Variants in DLC1 observed in about 807,000 individuals in gnomAD.
DLC1 encodes DLC1 Rho GTPase activating protein.
Under a neutral mutation model 140.3 loss-of-function variants are expected in DLC1, and 54 were observed. That is an observed-to-expected ratio of 0.38 (90% CI 0.31 to 0.48). The LOEUF is 0.48. Ranked by LOEUF, DLC1 falls within the 20% of genes least tolerant of loss-of-function variation. The pLI is 0.96. For synonymous variants in DLC1, 986 were observed against 728.1 expected, an observed-to-expected ratio of 1.35 and a Z score of -5.70; for missense variants, 2,536 against 1,907.0, an observed-to-expected ratio of 1.33 and a Z score of -6.14.
In DLC1 at chr8:13,131,128, C is replaced by T. The variant is rs1179466038; in HGVS notation, c.1349-15471G>A. Among the ~76,000 whole-genome samples the T allele has an allele frequency of 5.9e-5, 9 of 152,306 alleles. No individual in the cohort carries two copies. In the South Asian group the frequency reaches 1.5e-3, roughly 25 times the overall value. Reference sequence around the variant, plus strand: ...AGAGGGGCTGCTGCCTTACAGGGCACCCCTCTGACCATCTGCTGCCGTCTG... The same window carrying T: ...AGAGGGGCTGCTGCCTTACAGGGCATCCCTCTGACCATCTGCTGCCGTCTG... On this transcript the variant is annotated intron_variant, in intron 5 of 17. Coordinates refer to ENST00000276297, the MANE Select transcript of DLC1 (RefSeq NM_182643.3).
At chr8:13,509,322 A>G (rs1009664771) in intron 1 of DLC1, among the ~76,000 whole-genome samples, 1 of 152,212 alleles carries the variant, frequency 6.6e-6, no homozygotes, top group Non-Finnish European at 1.5e-5. Context: ...TAGTCATTCC[A>G]TAAGCACAAT....
Position 13,478,382 on chromosome 8 carries a change from A to G in DLC1, c.1023+20667T>C, listed in dbSNP as rs577600964. Among the ~76,000 whole-genome samples, 4 of 152,314 alleles carry G rather than the reference A, an allele frequency of 2.6e-5. No homozygotes were observed. In the East Asian group the frequency reaches 7.7e-4, roughly 29 times the overall value. On this transcript the variant is annotated intron_variant, in intron 2 of 17. Coordinates refer to ENST00000276297, the MANE Select transcript of DLC1 (RefSeq NM_182643.3). ...TCCCATGACCCAGAAACCTCCCACC[A>G]GGTCCCAACTCTGGCATTTGAGATT...
chr8:13,401,105 A>G (rs1293094761), intron 3 of DLC1, among the ~76,000 whole-genome samples: 2 of 152,190 alleles, frequency 1.3e-5, no homozygotes, highest in Non-Finnish European at 2.9e-5. Flanking sequence ...TCTATATGCA[A>G]TACAGATTTG....
chr8:13,131,214 G>A (rs1822047183), intron 5 of DLC1, among the ~76,000 whole-genome samples: 1 of 152,116 alleles, frequency 6.6e-6, no homozygotes, highest in Non-Finnish European at 1.5e-5. Flanking sequence ...TTTCCACCGA[G>A]GACCAGTCTG....
At chr8:13,492,863 A>G (rs1801324741) in intron 2 of DLC1, among the ~76,000 whole-genome samples, 1 of 152,220 alleles carries the variant, frequency 6.6e-6, no homozygotes, top group African/African-American at 2.4e-5. Flanking sequence ...ATATCTGCAA[A>G]TACATTTTTG....
At chr8:13,426,573 G>A (rs531043793) in intron 2 of DLC1, among the ~76,000 whole-genome samples, 3 of 152,080 alleles carry the variant, frequency 2.0e-5, no homozygotes, top group African/African-American at 7.2e-5. Context: ...TTTCTCAGAA[G>A]GTCCCAGAAT....
intron 1 of DLC1, among the ~76,000 whole-genome samples, chr8:13,582,456 G>A (rs4305905): frequency 0.99 from 150,170 of 152,228 alleles, 74,110 homozygotes; most frequent in East Asian, 1. Context: ...AATGGGCACC[G>A]TTTAATCAGC....
intron 1 of DLC1, among the ~76,000 whole-genome samples, chr8:13,572,455 T>G (rs900471499): frequency 6.6e-6 from 1 of 152,200 alleles, no homozygotes; most frequent in Non-Finnish European, 1.5e-5. Context: ...CTCTTGATAG[T>G]GTCTTTTTAT....
chr8:13,340,159 G>GT (rs751938458), intron 4 of DLC1: 1 of 152,256 alleles, frequency 6.6e-6, no homozygotes, highest in Non-Finnish European at 1.5e-5. Flanking sequence ...TCATATCTGG[G>GT]TGAAGGGCAT....
chr8:13,330,495 T>C (rs1287199996), intron 4 of DLC1, among the ~76,000 whole-genome samples: 2 of 152,244 alleles, frequency 1.3e-5, no homozygotes, highest in Non-Finnish European at 2.9e-5. Flanking sequence ...CACCCTCCTT[T>C]AGCAGAATGT....
At chr8:13,466,409 C>T (rs185254879) in intron 2 of DLC1, among the ~76,000 whole-genome samples, 1 of 152,192 alleles carries the variant, frequency 6.6e-6, no homozygotes, top group Admixed American at 6.5e-5. Flanking sequence ...TTGACACACT[C>T]TAACCTAACT....
chr8:13,484,267 T>C (rs1021006668), intron 2 of DLC1, among the ~76,000 whole-genome samples: 2 of 152,164 alleles, frequency 1.3e-5, no homozygotes, highest in Non-Finnish European at 2.9e-5. Flanking sequence ...ATTATTATGT[T>C]CATTAGAATT....
At chr8:13,326,286 A>G (rs965104386) in intron 4 of DLC1, among the ~76,000 whole-genome samples, 1 of 152,198 alleles carries the variant, frequency 6.6e-6, no homozygotes, top group Non-Finnish European at 1.5e-5. Context: ...CCATAAGAGG[A>G]TCTAGCTTTT....
intron 5 of DLC1, among the ~76,000 whole-genome samples, chr8:13,263,810 A>C (rs2117344927): frequency 6.6e-6 from 1 of 151,708 alleles, no homozygotes; most frequent in East Asian, 1.9e-4. Flanking sequence ...GATGTGTAAT[A>C]TATGTTGAAC....
chr8:13,406,941 T>C (rs1837592509), intron 2 of DLC1, among the ~76,000 whole-genome samples: 1 of 152,210 alleles, frequency 6.6e-6, no homozygotes, highest in Admixed American at 6.5e-5. Context: ...CTTTTTCCCA[T>C]TATGTGTCTG....
chr8:13,325,117 T>G (rs1833285050), intron 4 of DLC1, among the ~76,000 whole-genome samples: 1 of 152,220 alleles, frequency 6.6e-6, no homozygotes, highest in Admixed American at 6.5e-5. Flanking sequence ...TTTAGCCTTC[T>G]GTAACTTTTG....
chr8:13,384,037 G>A (rs1025850127), intron 4 of DLC1, among the ~76,000 whole-genome samples: 5 of 152,198 alleles, frequency 3.3e-5, no homozygotes, highest in Admixed American at 3.3e-4. Context: ...TGGTGTGCAT[G>A]TATCAGGAAT....
chr8:13,601,715 C>T (rs1290244053), intron 1 of DLC1, among the ~76,000 whole-genome samples: 2 of 150,980 alleles, frequency 1.3e-5, no homozygotes, highest in African/African-American at 2.4e-5. Context: ...TGGGGAACAA[C>T]TGGAGTGTGC....
At chr8:13,539,570 G>T (rs1180364363) in intron 1 of DLC1, among the ~76,000 whole-genome samples, 1 of 152,258 alleles carries the variant, frequency 6.6e-6, no homozygotes, top group African/African-American at 2.4e-5. Context: ...AGGAGGCGCA[G>T]TGCCCTTTTT....
Sources: gnomAD v4.1 joint callset for allele counts (sites outside exome capture counted in the v4.1 genomes callset) on GRCh38, gnomAD v4.1.1 for gene constraint, MANE v1.5 for transcripts, NCBI Gene and HGNC (gene_info 2026-07-23, HGNC 2026-07-21) for gene names.